RNF213: variants seen among roughly 807,000 people sequenced by gnomAD.
RNF213 encodes ring finger protein 213.
A neutral mutation model predicts 514.4 loss-of-function variants in RNF213; 341 were observed. The ratio of observed to expected loss-of-function variants is 0.66; its 90% confidence interval spans 0.61 to 0.73. The LOEUF (loss-of-function observed/expected upper bound fraction) is 0.73, where lower values mean the gene tolerates loss of function less well. Among genes scored for constraint, RNF213 ranks in the 30% least tolerant of loss-of-function variants. The pLI, the probability that RNF213 is intolerant of heterozygous loss-of-function variation, is 0.00. For missense variants in RNF213, 5,767 were observed against 6,615.6 expected, an observed-to-expected ratio of 0.87 and a Z score of 4.45; for synonymous variants, 2,655 against 2,658.2, an observed-to-expected ratio of 1.00 and a Z score of 0.04.
rs149329843 is a variant in RNF213, at chr17:80,392,848, C to T, written c.15471-497C>T. 4.0e-3 allele frequency among the ~76,000 whole-genome samples: 610 copies of T among 152,218 alleles called. 4 individuals are homozygous for T. Among genetic ancestry groups the T allele is most frequent in the African/African-American group, 0.014 (583 of 41,520 alleles). Reference sequence around the variant, plus strand: ...CAAGTGATCCACCTGCCTCAGCCTCCCAAAGTGCTAGGATTATAGGCGTGA... The same window carrying T: ...CAAGTGATCCACCTGCCTCAGCCTCTCAAAGTGCTAGGATTATAGGCGTGA... On this transcript the variant is annotated intron_variant, in intron 67 of 67. Coordinates refer to ENST00000582970, the MANE Select transcript of RNF213 (RefSeq NM_001256071.3).
intron 17 of RNF213, among the ~76,000 whole-genome samples, chr17:80,321,828 C>G (rs2046145148): frequency 6.6e-6 from 1 of 152,002 alleles, no homozygotes; most frequent in Admixed American, 6.6e-5. Flanking sequence ...TGGGTTCAAG[C>G]AATTCTCCTG....
chr17:80,269,412 C>CCATCCATCTATCT (rs1567990690), intron 2 of RNF213, among the ~76,000 whole-genome samples: 1 of 150,162 alleles, frequency 6.7e-6, no homozygotes, highest in African/African-American at 2.5e-5. Flanking sequence ...ATCATCTATC[C>CCATCCATCTATCT]ATCCATCCAT....
chr17:80,289,942 G>A, intron 6 of RNF213, 105 bp downstream of exon 6: 6 of 1,289,290 alleles, frequency 4.7e-6, no homozygotes, highest in East Asian at 2.5e-5. Context: ...CTTCTAGTCA[G>A]CTGTTTTGGC....
In RNF213 at chr17:80,340,208, G is replaced by A. The variant is rs980955966; in HGVS notation, c.5841G>A (p.Lys1947=). 6.2e-7 allele frequency: 1 copy of A among 1,613,998 alleles called. No individual in the cohort carries two copies. Among genetic ancestry groups the A allele is most frequent in the African/African-American group, 1.3e-5 (1 of 74,920 alleles). ...TCCCCTCTGCCTTCAGCCAGCACAA[G>A]GTCTTCGTCACCCCCCAGGCACCCC... is the stretch of plus-strand genomic sequence containing the variant. ...CYLPSAFSQH[K]VFVTPQAPLE... Residue 1947 remains lysine, a synonymous_variant, in exon 26 of 68, where the codon AAG becomes AAA. Transcript: ENST00000582970.
chr17:80,304,116 G>A (rs937236957), intron 11 of RNF213, among the ~76,000 whole-genome samples: 9 of 151,884 alleles, frequency 5.9e-5, no homozygotes, highest in Admixed American at 2.6e-4. Flanking sequence ...AAAGTCTGCA[G>A]TAGCATTGTT....
intron 3 of RNF213, among the ~76,000 whole-genome samples, chr17:80,283,545 C>T (rs900199340): frequency 1.3e-5 from 2 of 152,244 alleles, no homozygotes; most frequent in African/African-American, 4.8e-5. Flanking sequence ...TCCAGCCTCC[C>T]CGGGCTCTGC....
At chr17:80,308,710 A>G (rs144007255) in intron 13 of RNF213, among the ~76,000 whole-genome samples, 6 of 152,290 alleles carry the variant, frequency 3.9e-5, no homozygotes, top group African/African-American at 1.4e-4. Context: ...AATTTATGTC[A>G]TATTTTAATG....
chr17:80,312,060 GGAGGTTGCAGT>G (rs2045590480), intron 14 of RNF213, among the ~76,000 whole-genome samples: 1 of 152,090 alleles, frequency 6.6e-6, no homozygotes, highest in African/African-American at 2.4e-5. Flanking sequence ...CCCAGGAGGT[GGAGGTTGCAGT>G]GAGCCAAGAT....
In RNF213 at chr17:80,379,675, G is replaced by A; in HGVS notation, c.13601G>A (p.Gly4534Asp). Residue 4534 changes from glycine (G) to aspartate (D), a missense_variant, in exon 55 of 68, where the codon GGC becomes GAC. Coordinates refer to ENST00000582970, the MANE Select transcript of RNF213 (RefSeq NM_001256071.3). ...ATTGACTGCCATGCGCCGATTGGAG[G>A]CATTGACCACAAACCTCGGGACGGC... Reference protein sequence around the residue: ...ICIDCHAPIGGIDHKPRDGFH... With the variant: ...ICIDCHAPIGDIDHKPRDGFH... The A allele has an allele frequency of 1.9e-6, 3 of 1,614,230 alleles. No individual in the cohort carries two copies. The highest frequency in any genetic ancestry group is 2.5e-6 in the Non-Finnish European group (3 of 1,180,038).
In RNF213 at chr17:80,337,964, T is replaced by G; in HGVS notation, c.4800T>G (p.Asp1600Glu). 1 of 1,537,246 alleles carries G rather than the reference T, an allele frequency of 6.5e-7. No individual in the cohort carries two copies. Among genetic ancestry groups the G allele is most frequent in the Non-Finnish European group, 8.7e-7 (1 of 1,146,918 alleles). Residue 1600 changes from aspartate (D) to glutamate (E), a missense_variant, in exon 25 of 68, where the codon GAT (aspartate) becomes GAG (glutamate). By Grantham distance (45) the Asp-to-Glu change is conservative. Around this residue, in one of 13 missense-constraint regions of RNF213, gnomAD observed 1,377 missense variants for 1,635.2 expected, o/e 0.84. Transcript: ENST00000582970. ...TGATGCTGATGTCTGGCAAGAAGGATCGTAACAACACGGAAGTGGAGAGGT... is the reference window on the plus strand; with the variant it reads ...TGATGCTGATGTCTGGCAAGAAGGAGCGTAACAACACGGAAGTGGAGAGGT... ...NKLMLMSGKK[D>E]RNNTEVERFS...
rs1177522964 is a variant in RNF213, at chr17:80,397,978, G to A, written c.*4480G>A. 4.0e-5 allele frequency: 6 copies of A among 149,578 alleles called. No homozygotes were observed. The highest frequency in any genetic ancestry group is 7.4e-5 in the African/African-American group (3 of 40,602). 9.3% of individuals were successfully genotyped at this position (149,578 alleles called of 1,614,324 possible). The stretch of plus-strand genomic sequence containing the variant: ...CCAGAGCAGTGTGTAGCAGGCCCCC[G>A]AGGAGGATCAACGCAGTGGCTGAAC... On this transcript the variant is annotated 3_prime_UTR_variant, in exon 68 of 68. Transcript: ENST00000582970.
chr17:80,356,087 C>T (rs1223888924), intron 36 of RNF213, among the ~76,000 whole-genome samples: 1 of 151,914 alleles, frequency 6.6e-6, no homozygotes, highest in African/African-American at 2.4e-5. Flanking sequence ...CTGAAACTTC[C>T]ACCTCCTGGG....
chr17:80,290,437 G>T lies in RNF213; in HGVS notation c.1113-133G>T, dbSNP rs1462666626. 5.6e-6 allele frequency: 6 copies of T among 1,072,528 alleles called. No individual in the cohort carries two copies. The East Asian group carries it at 1.4e-4, about 26-fold the overall frequency. 66.4% of individuals were successfully genotyped at this position (1,072,528 alleles called of 1,614,324 possible). A position where few individuals can be genotyped will look rare whatever the true frequency, so the allele number is the denominator to read the frequency against. ...TGCGTGTGTGCGAGTGTGCGCGTGT[G>T]TGCATGTGTGTGTGCGAGTGCATGT... On this transcript the variant is annotated intron_variant, in intron 6 of 67. Coordinates refer to ENST00000582970, the MANE Select transcript of RNF213 (RefSeq NM_001256071.3).
chr17:80,280,414 A>G (rs985138960), intron 3 of RNF213, among the ~76,000 whole-genome samples: 1 of 152,144 alleles, frequency 6.6e-6, no homozygotes, highest in African/African-American at 2.4e-5. Context: ...CAACTAATTA[A>G]TGTATAACAG....
At chr17:80,334,029 G>A (rs182033924) in intron 21 of RNF213, 76 bp from the exon 22 acceptor site, 52 of 1,509,558 alleles carry the variant, frequency 3.4e-5, no homozygotes, top group South Asian at 3.0e-4. Context: ...CTGCTGGGAC[G>A]GTCAGTGCTT....
At position 80,288,460 on chromosome 17, in the gene RNF213, G is replaced by A. The variant is rs1051062303; in HGVS notation, c.810+97G>A. The A allele has an allele frequency of 4.4e-6, 7 of 1,596,820 alleles. No individual in the cohort carries two copies. In the African/African-American group the frequency reaches 5.4e-5, roughly 12 times the overall value. Reference sequence around the variant, plus strand: ...TGGCGTTGCTTCCCTGCCGGGGGGAGGGGCGTCCTCTGGGCCCTGCTCCCT... The same window carrying A: ...TGGCGTTGCTTCCCTGCCGGGGGGAAGGGCGTCCTCTGGGCCCTGCTCCCT... On this transcript the variant is annotated intron_variant, in intron 4 of 67. Transcript: ENST00000582970. This position sits in a 1 kb window ranked among gnomAD's most constrained non-coding sequence, Gnocchi z 4.9.
At chr17:80,387,931 C>T (rs1034106695) in intron 63 of RNF213, among the ~76,000 whole-genome samples, 6 of 151,886 alleles carry the variant, frequency 4.0e-5, no homozygotes, top group African/African-American at 1.5e-4. Context: ...GCAACTGGGC[C>T]AGGAACTGTG....
At chr17:80,370,559 CA>C (rs1161330346) in intron 46 of RNF213, among the ~76,000 whole-genome samples, 2 of 152,162 alleles carry the variant, frequency 1.3e-5, no homozygotes, top group Non-Finnish European at 2.9e-5. Context: ...TCTTCACCGC[CA>C]TGCACACGTG....
At chr17:80,338,916 C>G (rs1435752891) in intron 25 of RNF213, among the ~76,000 whole-genome samples, 1 of 150,830 alleles carries the variant, frequency 6.6e-6, no homozygotes, top group Non-Finnish European at 1.5e-5. Flanking sequence ...CCACTGCACT[C>G]CAGCCTGGGC....
Sources: allele counts gnomAD v4.1 joint callset (sites outside exome capture counted in the v4.1 genomes callset), GRCh38; gene constraint gnomAD v4.1.1; regional missense constraint gnomAD v4.1.1; non-coding constraint Gnocchi (gnomAD v3.1); transcripts MANE v1.5; gene names NCBI Gene and HGNC (gene_info 2026-07-23, HGNC 2026-07-21).